AMZ1: variants seen among roughly 807,000 people sequenced by gnomAD.
AMZ1 encodes the protein archaelysin family metallopeptidase 1, also known as archaemetzincin-1.
AMZ1 carries 39 observed loss-of-function variants against 29.9 expected under a neutral mutation model. The ratio of observed to expected loss-of-function variants is 1.30; its 90% CI spans 1.01 to 1.70. The LOEUF is 1.70. Ranked by LOEUF, AMZ1 falls within the 40% of genes most tolerant of loss-of-function variation. AMZ1 has a pLI of 0.00. For synonymous variants in AMZ1, 458 were observed against 304.0 expected, an observed-to-expected ratio of 1.51 and a Z score of -5.27; for missense variants, 1,041 against 680.6, an observed-to-expected ratio of 1.53 and a Z score of -5.89.
upstream of AMZ1, among the ~76,000 whole-genome samples, chr7:2,686,722 C>CT (rs927625214): frequency 7.9e-4 from 116 of 147,640 alleles, no homozygotes; most frequent in Middle Eastern, 0.01. Context: ...CTCTCTCTCT[C>CT]TTTTTTTTTT....
rs558686947 is a variant in AMZ1, at chr7:2,697,306, A to G, written c.-218-2928A>G. ...GAGATGGGGTTTCACTGGGTTAGCC[A>G]GGATGGTCTCGAACTCCTGACCTCG... On this transcript the variant is annotated intron_variant, in intron 1 of 6. Transcript: ENST00000683327. Among the ~76,000 whole-genome samples the G allele has an allele frequency of 9.9e-5, 15 of 151,862 alleles. No individual in the cohort carries two copies. The East Asian group carries it at 2.9e-3, about 30-fold the overall frequency.
chr7:2,733,322 G>C (rs1170088229), intron 4 of AMZ1: 2 of 744,688 alleles, frequency 2.7e-6, no homozygotes, highest in Non-Finnish European at 4.8e-6. Context: ...AGTACTATTC[G>C]TGGTAATGTG....
intron 4 of AMZ1, among the ~76,000 whole-genome samples, chr7:2,727,615 C>A (rs1789675225): frequency 6.6e-6 from 1 of 152,182 alleles, no homozygotes; most frequent in African/African-American, 2.4e-5. Context: ...AATTCTCCCA[C>A]CTTGGCCTCC....
upstream of AMZ1, chr7:2,762,953 G>A (rs1791637548): frequency 5.1e-6 from 7 of 1,368,000 alleles, no homozygotes; most frequent in South Asian, 1.3e-4. Context: ...TGGGGCCCGT[G>A]CCAGGGTCTC....
At chr7:2,751,980 A>T (rs1004189187) in intron 4 of AMZ1, among the ~76,000 whole-genome samples, 5 of 152,226 alleles carry the variant, frequency 3.3e-5, no homozygotes, top group Non-Finnish European at 7.3e-5. Context: ...AAGAGGAAGA[A>T]ATAATTTCCA....
At chr7:2,762,945 G>A, upstream of AMZ1, 6 of 1,379,110 alleles carry the variant, frequency 4.4e-6, no homozygotes, top group South Asian at 1.8e-5. Context: ...CACTCCCGTG[G>A]GGCCCGTGCC....
chr7:2,692,496 T>C (rs1787460498), intron 1 of AMZ1, among the ~76,000 whole-genome samples: 1 of 152,150 alleles, frequency 6.6e-6, no homozygotes, highest in African/African-American at 2.4e-5. Context: ...GAGCCGAGAT[T>C]GTGCCACTGC....
chr7:2,697,382 C>T (rs35084863), intron 1 of AMZ1, among the ~76,000 whole-genome samples: 14,653 of 152,172 alleles, frequency 0.096, 979 homozygotes, highest in Non-Finnish European at 0.14. Context: ...CAGGCGTGAG[C>T]TGCTGCGCCC....
chr7:2,730,991 A>C, intron 4 of AMZ1: 1 of 534,982 alleles, frequency 1.9e-6, no homozygotes, highest in South Asian at 2.9e-5. Flanking sequence ...TCAGTAGCTA[A>C]CGTGACAGTT....
chr7:2,744,595 T>C (rs1180990179), intron 4 of AMZ1, among the ~76,000 whole-genome samples: 1 of 151,836 alleles, frequency 6.6e-6, no homozygotes, highest in Non-Finnish European at 1.5e-5. Flanking sequence ...AACTGGAAAC[T>C]CTAAAAATCA....
chr7:2,694,252 C>T (rs928918771), intron 1 of AMZ1, among the ~76,000 whole-genome samples: 5 of 152,326 alleles, frequency 3.3e-5, no homozygotes, highest in African/African-American at 9.6e-5. Flanking sequence ...GTTCACCCCT[C>T]ATTTCCTGCC....
chr7:2,762,843 T>A, upstream of AMZ1: 2 of 1,487,012 alleles, frequency 1.3e-6, no homozygotes, highest in South Asian at 1.3e-5. Flanking sequence ...TCAGCGCGGC[T>A]CCGAAGCAGG....
At chr7:2,687,156 A>T (rs1177918345), upstream of AMZ1, among the ~76,000 whole-genome samples, 3 of 152,190 alleles carry the variant, frequency 2.0e-5, no homozygotes, top group Non-Finnish European at 4.4e-5. Context: ...GTGAAACCCC[A>T]TCTCTATTAA....
chr7:2,744,722 A>T (rs1291284204), intron 4 of AMZ1, among the ~76,000 whole-genome samples: 1 of 152,194 alleles, frequency 6.6e-6, no homozygotes, highest in Non-Finnish European at 1.5e-5. Flanking sequence ...AACTACTCTG[A>T]GCTACAGGAG....
chr7:2,704,824 C>T (rs1788257526), intron 3 of AMZ1, among the ~76,000 whole-genome samples: 1 of 152,012 alleles, frequency 6.6e-6, no homozygotes, highest in South Asian at 2.1e-4. Flanking sequence ...TCTCGATCTC[C>T]TGACCTGGTG....
At chr7:2,742,579 G>A (rs1038692440) in intron 4 of AMZ1, among the ~76,000 whole-genome samples, 1 of 152,158 alleles carries the variant, frequency 6.6e-6, no homozygotes, top group Admixed American at 6.5e-5. Context: ...TCAAAGTGAA[G>A]AAAGCACTGA....
At chr7:2,760,723 G>A (rs1288315536), upstream of AMZ1, among the ~76,000 whole-genome samples, 1 of 152,218 alleles carries the variant, frequency 6.6e-6, no homozygotes, top group East Asian at 1.9e-4. Context: ...CTTATCCAGA[G>A]CTAAGTTTAG....
intron 4 of AMZ1, among the ~76,000 whole-genome samples, chr7:2,738,900 G>A (rs76792636): frequency 0.015 from 2,284 of 152,238 alleles, 21 homozygotes; most frequent in Non-Finnish European, 0.023. Context: ...CTCTGGCCAC[G>A]CTTTGGCCCC....
At chr7:2,758,143 TAAAC>T (rs754549650) in intron 4 of AMZ1, among the ~76,000 whole-genome samples, 40 of 152,152 alleles carry the variant, frequency 2.6e-4, no homozygotes, top group East Asian at 5.8e-4. Context: ...ATCCTATTCT[TAAAC>T]AAAGACAAAA....
Sources: gnomAD v4.1 joint callset for allele counts (sites outside exome capture counted in the v4.1 genomes callset) on GRCh38, gnomAD v4.1.1 for gene constraint, MANE v1.5 for transcripts, NCBI Gene and HGNC (gene_info 2026-07-23, HGNC 2026-07-21) for gene names.